Variants in PDE10A observed in about 807,000 individuals in gnomAD.
The protein encoded by PDE10A is phosphodiesterase 10A.
PDE10A carries 39 observed loss-of-function variants against 97.7 expected under a neutral mutation model. The ratio of observed to expected loss-of-function variants is 0.40; its 90% confidence interval spans 0.31 to 0.52. PDE10A has a LOEUF of 0.52. Among genes scored for constraint, PDE10A ranks in the 20% least tolerant of loss-of-function variants. The pLI is 0.56. For synonymous variants in PDE10A, 371 were observed against 376.8 expected (o/e 0.98, Z 0.18); for missense variants, 731 against 1,047.8 (o/e 0.70, Z 4.17).
chr6:165,892,328 C>T (rs1041752011), intron 1 of PDE10A, among the ~76,000 whole-genome samples: 3 of 152,184 alleles, frequency 2.0e-5, no homozygotes, highest in Admixed American at 6.5e-5. Flanking sequence ...GGACTCCCCC[C>T]TCTTCATTCC....
chr6:165,445,452 A>G (rs1391814321), intron 5 of PDE10A, among the ~76,000 whole-genome samples: 2 of 152,344 alleles, frequency 1.3e-5, no homozygotes, highest in African/African-American at 4.8e-5. Context: ...CAGGAAAGCC[A>G]CACGGAGATT....
Position 165,331,357 on chromosome 6 carries a change from GA to G in PDE10A, c.*1667del, listed in dbSNP as rs1011410046. 6 of 152,142 alleles carry G rather than the reference GA, an allele frequency of 3.9e-5. No individual in the cohort carries two copies. Among genetic ancestry groups the G allele is most frequent in the African/African-American group, 1.4e-4 (6 of 41,432 alleles). The allele number at this position is 152,142 out of a possible 1,614,324, so 9.4% of individuals were successfully genotyped here. ...GATGGCAACTTTCAGAAGCCCACAA[GA>G]AAACTGAACACATAGTGTTAATTTT... On this transcript the variant is annotated 3_prime_UTR_variant, in exon 22 of 22. Transcript: ENST00000539869.
At chr6:165,797,581 T>C (rs1374563349) in intron 1 of PDE10A, among the ~76,000 whole-genome samples, 1 of 152,222 alleles carries the variant, frequency 6.6e-6, no homozygotes, top group East Asian at 1.9e-4. Context: ...AGTATTATAA[T>C]ACTATTGTCT....
At chr6:165,351,399 C>T (rs776655722) in intron 18 of PDE10A, among the ~76,000 whole-genome samples, 4 of 151,850 alleles carry the variant, frequency 2.6e-5, no homozygotes, top group Non-Finnish European at 4.4e-5. Flanking sequence ...TAATGTAACT[C>T]CAGAATGAAT....
chr6:165,531,470 G>C (rs973171149), intron 2 of PDE10A, among the ~76,000 whole-genome samples: 2 of 151,832 alleles, frequency 1.3e-5, no homozygotes, highest in Non-Finnish European at 2.9e-5. Context: ...ATTATTGAGG[G>C]GAAAAAAGGA....
chr6:165,720,742 T>C (rs1452779210), intron 1 of PDE10A, among the ~76,000 whole-genome samples: 2 of 152,228 alleles, frequency 1.3e-5, no homozygotes, highest in African/African-American at 4.8e-5. Context: ...CAGTCTGGTA[T>C]GAACCAATGT....
At chr6:165,718,297 G>C (rs1039320149) in intron 1 of PDE10A, 1 of 152,178 alleles carries the variant, frequency 6.6e-6, no homozygotes, top group Non-Finnish European at 1.5e-5. Context: ...GTTAATCTCT[G>C]TGTAGTTCCA....
intron 1 of PDE10A, among the ~76,000 whole-genome samples, chr6:165,589,082 C>A (rs1252025138): frequency 6.6e-6 from 1 of 152,128 alleles, no homozygotes; most frequent in African/African-American, 2.4e-5. Flanking sequence ...CCAACATATA[C>A]AAGCTCACTT....
intron 14 of PDE10A, among the ~76,000 whole-genome samples, chr6:165,396,093 A>G (rs559651235): frequency 2.0e-5 from 3 of 152,324 alleles, no homozygotes; most frequent in East Asian, 3.9e-4. Context: ...CTCATTTCAA[A>G]ACTGAGTTCA....
chr6:165,838,380 C>A (rs963433850), intron 1 of PDE10A, among the ~76,000 whole-genome samples: 10 of 152,088 alleles, frequency 6.6e-5, no homozygotes, highest in African/African-American at 2.4e-4. Flanking sequence ...TTTTTATTGA[C>A]ATAATATTTT....
intron 3 of PDE10A, among the ~76,000 whole-genome samples, chr6:165,452,691 C>A (rs1016524935): frequency 2.0e-5 from 3 of 152,118 alleles, no homozygotes; most frequent in Non-Finnish European, 4.4e-5. Context: ...ATTACCTAGT[C>A]TCAGATACTC....
intron 1 of PDE10A, among the ~76,000 whole-genome samples, chr6:165,925,018 C>T (rs530452778): frequency 5.9e-5 from 9 of 152,218 alleles, no homozygotes; most frequent in East Asian, 1.9e-4. Context: ...ACCTCATGTC[C>T]GCCAAGGTCT....
chr6:165,637,357 A>C (rs1364406183), intron 1 of PDE10A, among the ~76,000 whole-genome samples: 1 of 152,104 alleles, frequency 6.6e-6, no homozygotes. Context: ...CTGTCACCGC[A>C]CACATGTCCT....
intron 1 of PDE10A, among the ~76,000 whole-genome samples, chr6:165,962,272 G>GA (rs985001968): frequency 6.6e-6 from 1 of 152,208 alleles, no homozygotes; most frequent in African/African-American, 2.4e-5. Flanking sequence ...CCACTACAGG[G>GA]AAGCTGGCCA....
At chr6:165,697,438 A>G (rs551740597) in intron 1 of PDE10A, among the ~76,000 whole-genome samples, 1 of 152,360 alleles carries the variant, frequency 6.6e-6, no homozygotes, top group East Asian at 1.9e-4. Context: ...ACCTTTTCAG[A>G]CAAAGAAAAA....
intron 1 of PDE10A, among the ~76,000 whole-genome samples, chr6:165,842,665 G>C (rs142095190): frequency 6.6e-6 from 1 of 152,282 alleles, no homozygotes; most frequent in African/African-American, 2.4e-5. Context: ...GGCCAAGGAC[G>C]GTCATAAGCA....
At chr6:165,730,532 A>T (rs961714920) in intron 1 of PDE10A, among the ~76,000 whole-genome samples, 18 of 152,272 alleles carry the variant, frequency 1.2e-4, no homozygotes, top group Non-Finnish European at 7.4e-5. Context: ...TGGGTGGATC[A>T]CTTGAGGTCA....
At chr6:165,692,297 G>A (rs1010994570) in intron 1 of PDE10A, among the ~76,000 whole-genome samples, 7 of 152,160 alleles carry the variant, frequency 4.6e-5, no homozygotes, top group African/African-American at 7.2e-5. Context: ...GGGATCAAGC[G>A]TGCTAAATTC....
chr6:165,486,160 G>A (rs1465813023), intron 2 of PDE10A, among the ~76,000 whole-genome samples: 1 of 152,200 alleles, frequency 6.6e-6, no homozygotes. Flanking sequence ...GTCTATCAAT[G>A]TTGACAGCAA....
Sources: allele counts gnomAD v4.1 joint callset (sites outside exome capture counted in the v4.1 genomes callset), GRCh38; gene constraint gnomAD v4.1.1; transcripts MANE v1.5; gene names NCBI Gene and HGNC (gene_info 2026-07-23, HGNC 2026-07-21).